The following RIMKLB variants were observed in gnomAD, a reference collection of about 807,000 sequenced individuals.
RIMKLB encodes the protein beta-citrylglutamate synthase B.
Under a neutral mutation model 32.0 loss-of-function variants are expected in RIMKLB, and 7 were observed. The observed-to-expected ratio is 0.22, with a 90% confidence interval of 0.12 to 0.41. RIMKLB has a LOEUF of 0.41. Ranked by LOEUF, RIMKLB falls within the 10% of genes least tolerant of loss-of-function variation. The pLI, the probability that RIMKLB is intolerant of heterozygous loss-of-function variation, is 1.00. For synonymous variants in RIMKLB, 172 were observed against 185.1 expected (o/e 0.93, Z 0.57); for missense variants, 289 against 498.7 (o/e 0.58, Z 4.00).
chr12:8,714,167 G>A, intron 2 of RIMKLB, 126 bp downstream of exon 2: 1 of 681,806 alleles, frequency 1.5e-6, no homozygotes, highest in Non-Finnish European at 2.5e-6. Flanking sequence ...CTAATTATAA[G>A]GTCTAATATA....
intron 2 of RIMKLB, among the ~76,000 whole-genome samples, chr12:8,728,614 C>CT (rs1313626219): frequency 6.6e-6 from 1 of 151,882 alleles, no homozygotes; most frequent in Non-Finnish European, 1.5e-5. Flanking sequence ...CCTACTTAGG[C>CT]TTTTTTTATT....
intron 2 of RIMKLB, among the ~76,000 whole-genome samples, chr12:8,729,013 T>C (rs1946301029): frequency 6.6e-6 from 1 of 152,004 alleles, no homozygotes; most frequent in Non-Finnish European, 1.5e-5. Flanking sequence ...GGTAAGCGGG[T>C]GCAGGAGCTG....
intron 1 of RIMKLB, among the ~76,000 whole-genome samples, chr12:8,698,502 C>T (rs866774326): frequency 0.013 from 1,914 of 152,112 alleles, 40 homozygotes; most frequent in African/African-American, 0.045. Context: ...CGAGGCGGGG[C>T]CCGGCCTTCG....
At chr12:8,741,565 G>C (rs1947531514) in intron 2 of RIMKLB, among the ~76,000 whole-genome samples, 1 of 151,692 alleles carries the variant, frequency 6.6e-6, no homozygotes, top group African/African-American at 2.4e-5. Flanking sequence ...GGATCACGGG[G>C]TCAGGAGATC....
chr12:8,722,803 T>C (rs1290183695), intron 2 of RIMKLB, among the ~76,000 whole-genome samples: 1 of 152,252 alleles, frequency 6.6e-6, no homozygotes, highest in African/African-American at 2.4e-5. Flanking sequence ...CCTTGCACTT[T>C]GCACTGTGCT....
the RIMKLB span, among the ~76,000 whole-genome samples, chr12:8,673,846 T>C: frequency 6.6e-6 from 1 of 151,810 alleles, no homozygotes; most frequent in East Asian, 1.9e-4. Context: ...ATCCGCCCGC[T>C]TTGGCCTCCC....
upstream of RIMKLB, among the ~76,000 whole-genome samples, chr12:8,678,274 C>G (rs982067117): frequency 6.6e-6 from 1 of 151,862 alleles, no homozygotes; most frequent in Non-Finnish European, 1.5e-5. Context: ...CGTTGGCCTC[C>G]CAAAGTGCTA....
At position 8,775,036 on chromosome 12, in the gene RIMKLB, G is replaced by C; in HGVS notation, c.*1252G>C. ...CATAAGTAGACTCCACTGGGGTAGA[G>C]GTATTCACCTTAAAACATAGGGTGA... On this transcript the variant is annotated 3_prime_UTR_variant, in exon 6 of 6. Transcript: ENST00000535829. 1 of 985,738 alleles carries C rather than the reference G, an allele frequency of 1.0e-6. No individual in the cohort carries two copies. The allele number at this position is 985,738 out of a possible 1,614,324, so 61.1% of individuals were successfully genotyped here.
At chr12:8,741,450 TAGA>T (rs1947518004) in intron 2 of RIMKLB, among the ~76,000 whole-genome samples, 1 of 150,992 alleles carries the variant, frequency 6.6e-6, no homozygotes, top group African/African-American at 2.5e-5. Flanking sequence ...ATCAATAAAA[TAGA>T]AGAACCAGGA....
At chr12:8,700,598 A>T (rs779508286) in intron 1 of RIMKLB, 1 of 152,332 alleles carries the variant, frequency 6.6e-6, no homozygotes, top group Admixed American at 6.5e-5. Flanking sequence ...GAGAGAACCA[A>T]ACATAAAGTA....
At position 8,775,684 on chromosome 12, in the gene RIMKLB, A is replaced by T. The variant is rs1950686078; in HGVS notation, c.*1900A>T. 1 of 985,282 alleles carries T rather than the reference A, an allele frequency of 1.0e-6. No homozygotes were observed. The highest frequency in any genetic ancestry group is 4.7e-5 in the South Asian group (1 of 21,288). The allele number at this position is 985,282 out of a possible 1,614,324, so 61.0% of individuals were successfully genotyped here. A position where few individuals can be genotyped will look rare whatever the true frequency, so the allele number is the denominator to read the frequency against. On this transcript the variant is annotated 3_prime_UTR_variant, in exon 6 of 6. Coordinates refer to ENST00000535829, the MANE Select transcript of RIMKLB (RefSeq NM_001297776.2). ...CCCCGTTTTAAAAAGGAATGTAATA[A>T]AATTTGTTTTTTCCATAGAATTAAA...
chr12:8,733,106 AC>A (rs1287728114), intron 2 of RIMKLB, among the ~76,000 whole-genome samples: 1 of 152,086 alleles, frequency 6.6e-6, no homozygotes. Flanking sequence ...ATTTAGAAAT[AC>A]CCGTAGACAT....
intron 1 of RIMKLB, among the ~76,000 whole-genome samples, chr12:8,698,802 C>A (rs1443113321): frequency 6.6e-6 from 1 of 152,136 alleles, no homozygotes; most frequent in Non-Finnish European, 1.5e-5. Context: ...CGTTTTCCTC[C>A]TTACGTGTAA....
In RIMKLB at chr12:8,776,001, GAAGA is replaced by G; in HGVS notation, c.*2223_*2226del. On this transcript the variant is annotated 3_prime_UTR_variant, in exon 6 of 6. Coordinates refer to ENST00000535829, the MANE Select transcript of RIMKLB (RefSeq NM_001297776.2). ...TATTTGGTATAGAGAAATAAATGAG[GAAGA>G]AAGAACTGCTTAATTAAATTATCAT... is the stretch of plus-strand genomic sequence containing the variant. 1 of 984,388 alleles carries G rather than the reference GAAGA, an allele frequency of 1.0e-6. No homozygotes were observed. Among genetic ancestry groups the G allele is most frequent in the Non-Finnish European group, 1.2e-6 (1 of 829,036 alleles). 61.0% of individuals were successfully genotyped at this position (984,388 alleles called of 1,614,324 possible). A position where few individuals can be genotyped will look rare whatever the true frequency, so the allele number is the denominator to read the frequency against.
intron 1 of RIMKLB, among the ~76,000 whole-genome samples, chr12:8,699,093 C>G (rs1039829562): frequency 3.3e-5 from 5 of 152,128 alleles, no homozygotes; most frequent in African/African-American, 4.8e-5. Context: ...GGTGGTAATT[C>G]TGTTCTGTGA....
chr12:8,707,053 A>G (rs1943945042), intron 1 of RIMKLB, among the ~76,000 whole-genome samples: 1 of 152,194 alleles, frequency 6.6e-6, no homozygotes, highest in Non-Finnish European at 1.5e-5. Context: ...GAGCGTGGAA[A>G]AACAACATTC....
chr12:8,717,153 A>T (rs1944946567), intron 2 of RIMKLB, among the ~76,000 whole-genome samples: 1 of 151,728 alleles, frequency 6.6e-6, no homozygotes, highest in Admixed American at 6.6e-5. Context: ...AGATGAGGAA[A>T]CAGCCTCTTT....
At chr12:8,671,910 T>TCAAAA in the RIMKLB span, among the ~76,000 whole-genome samples, 3,004 of 151,554 alleles carry the variant, frequency 0.02, 105 homozygotes, top group African/African-American at 0.066. Flanking sequence ...AGACTCCATC[T>TCAAAA]CAAAACAAAA....
At chr12:8,705,745 AAGC>A (rs1468469780) in intron 1 of RIMKLB, among the ~76,000 whole-genome samples, 4 of 152,210 alleles carry the variant, frequency 2.6e-5, no homozygotes, top group Admixed American at 6.5e-5. Context: ...TCTGTAGAGT[AAGC>A]AGCAGTCTGT....
Sources: gnomAD v4.1 joint callset for allele counts (sites outside exome capture counted in the v4.1 genomes callset) on GRCh38, gnomAD v4.1.1 for gene constraint, MANE v1.5 for transcripts, NCBI Gene and HGNC (gene_info 2026-07-23, HGNC 2026-07-21) for gene names.